Variants in WWOX observed in about 807,000 individuals in gnomAD.
The protein encoded by WWOX is WW domain-containing oxidoreductase.
A neutral mutation model predicts 46.2 loss-of-function variants in WWOX; 69 were observed. The observed-to-expected ratio is 1.49, with a 90% CI of 1.23 to 1.82. The LOEUF is 1.82. Among genes scored for constraint, WWOX ranks in the 40% most tolerant of loss-of-function variants. The pLI, the probability that WWOX is intolerant of heterozygous loss-of-function variation, is 0.00. For missense variants in WWOX, 919 were observed against 542.6 expected (o/e 1.69, Z -6.89); for synonymous variants, 359 against 202.6 (o/e 1.77, Z -6.56).
chr16:78,649,772 C>A (rs923239263), intron 8 of WWOX, among the ~76,000 whole-genome samples: 6 of 152,302 alleles, frequency 3.9e-5, no homozygotes, highest in East Asian at 1.9e-4. Context: ...TCTCATTTAA[C>A]CCTTAGGAAA....
intron 8 of WWOX, among the ~76,000 whole-genome samples, chr16:78,708,530 C>T (rs957173045): frequency 6.6e-6 from 1 of 152,148 alleles, no homozygotes; most frequent in South Asian, 2.1e-4. Context: ...GCTTTGCATA[C>T]TCTGTTGCTT....
chr16:79,100,842 A>G (rs1046405998), intron 8 of WWOX, among the ~76,000 whole-genome samples: 3 of 152,034 alleles, frequency 2.0e-5, no homozygotes, highest in Non-Finnish European at 2.9e-5. Context: ...AGATCCTTTT[A>G]GAGCAGAGGG....
At chr16:78,607,419 T>C (rs1036032424) in intron 8 of WWOX, among the ~76,000 whole-genome samples, 1 of 152,202 alleles carries the variant, frequency 6.6e-6, no homozygotes, top group African/African-American at 2.4e-5. Context: ...TATCTTTGCA[T>C]ATATTTGTCC....
rs61113878 is a variant in WWOX, at chr16:78,356,071, TAAAAAAA to T, written c.517-30773_517-30767del. On this transcript the variant is annotated intron_variant, in intron 5 of 8. Transcript: ENST00000566780. ...TATGACCACCAAGATTTTTTTTTCCTAAAAAAAAAAAAAAAAAAAAAAGAAGAATCGA... is the reference window on the plus strand; with the variant it reads ...TATGACCACCAAGATTTTTTTTTCCTAAAAAAAAAAAAAAAGAAGAATCGA... Among the ~76,000 whole-genome samples, 598 of 76,156 alleles carry T rather than the reference TAAAAAAA, an allele frequency of 7.9e-3. 10 individuals carry two copies. Among genetic ancestry groups the T allele is most frequent in the African/African-American group, 0.026 (567 of 21,610 alleles). 50.0% of individuals were successfully genotyped at this position (76,156 alleles called of 152,430 possible).
intron 5 of WWOX, among the ~76,000 whole-genome samples, chr16:78,384,921 G>A (rs973499892): frequency 6.6e-6 from 1 of 152,012 alleles, no homozygotes; most frequent in Non-Finnish European, 1.5e-5. Context: ...GGATCACAAG[G>A]TCAAGAGATT....
intron 8 of WWOX, among the ~76,000 whole-genome samples, chr16:78,498,445 A>G (rs543702826): frequency 6.6e-6 from 1 of 152,186 alleles, no homozygotes; most frequent in Non-Finnish European, 1.5e-5. Context: ...TCTAAACCAC[A>G]CATGGCCTGC....
chr16:79,187,081 T>C (rs2051030594), intron 8 of WWOX, among the ~76,000 whole-genome samples: 1 of 152,170 alleles, frequency 6.6e-6, no homozygotes, highest in Admixed American at 6.5e-5. Context: ...GGTATTGTGT[T>C]TGTTAGGGGG....
chr16:78,951,870 C>T (rs888177633), intron 8 of WWOX, among the ~76,000 whole-genome samples: 7 of 152,172 alleles, frequency 4.6e-5, no homozygotes, highest in Non-Finnish European at 4.4e-5. Flanking sequence ...GATAGCAACA[C>T]TCTTCAATGG....
At chr16:78,485,654 G>T (rs1017510670) in intron 8 of WWOX, among the ~76,000 whole-genome samples, 1 of 152,200 alleles carries the variant, frequency 6.6e-6, no homozygotes, top group African/African-American at 2.4e-5. Flanking sequence ...GCCGCGTGAA[G>T]GACATCTGCT....
intron 8 of WWOX, among the ~76,000 whole-genome samples, chr16:78,920,035 T>C (rs886577129): frequency 6.6e-6 from 1 of 152,190 alleles, no homozygotes; most frequent in Non-Finnish European, 1.5e-5. Flanking sequence ...TCAGTCAGCG[T>C]AGACTAGGTT....
intron 8 of WWOX, among the ~76,000 whole-genome samples, chr16:79,156,271 C>G (rs1014780014): frequency 6.6e-6 from 1 of 152,186 alleles, no homozygotes; most frequent in Non-Finnish European, 1.5e-5. Flanking sequence ...AAGCAATCCT[C>G]CCACGTCAAC....
At chr16:78,850,072 T>TA (rs61690680) in intron 8 of WWOX, among the ~76,000 whole-genome samples, 2,794 of 144,870 alleles carry the variant, frequency 0.019, 75 homozygotes, top group African/African-American at 0.06. Context: ...AATTCCTTCT[T>TA]AAAAAAAAAA....
chr16:78,923,616 G>A lies in WWOX; in HGVS notation c.1057-287992G>A, dbSNP rs530813613. On this transcript the variant is annotated intron_variant, in intron 8 of 8. Coordinates refer to ENST00000566780, the MANE Select transcript of WWOX (RefSeq NM_016373.4). ...CTACAAATCTCTTGGCGGGTGGGGG[G>A]ATATTTCACTCTTCTATGAATCAAA... 3.1e-4 allele frequency among the ~76,000 whole-genome samples: 47 copies of A among 151,964 alleles called. No homozygotes were observed. The South Asian group carries it at 8.1e-3, about 26-fold the overall frequency.
At chr16:78,577,888 A>G (rs1006186367) in intron 8 of WWOX, among the ~76,000 whole-genome samples, 3 of 152,138 alleles carry the variant, frequency 2.0e-5, no homozygotes, top group African/African-American at 4.8e-5. Flanking sequence ...TCCGTTTGAC[A>G]GAATATATTC....
intron 8 of WWOX, among the ~76,000 whole-genome samples, chr16:78,463,929 G>C (rs781466824): frequency 5.9e-5 from 9 of 152,172 alleles, no homozygotes; most frequent in Non-Finnish European, 8.8e-5. Flanking sequence ...AATTTGTACT[G>C]CTGGTGGAGC....
chr16:78,482,810 T>A (rs766850200), intron 8 of WWOX, among the ~76,000 whole-genome samples: 6 of 152,202 alleles, frequency 3.9e-5, no homozygotes, highest in Non-Finnish European at 8.8e-5. Context: ...GTTTCATTTT[T>A]CTTGGGAAGG....
chr16:78,824,726 C>T (rs185874928), intron 8 of WWOX, among the ~76,000 whole-genome samples: 25 of 152,184 alleles, frequency 1.6e-4, no homozygotes, highest in African/African-American at 5.8e-4. Context: ...ACGAGGATAG[C>T]GCAGGAAAGA....
chr16:78,974,899 G>C (rs940061293), intron 8 of WWOX, among the ~76,000 whole-genome samples: 6 of 152,146 alleles, frequency 3.9e-5, no homozygotes, highest in Non-Finnish European at 8.8e-5. Context: ...ATGCTCAGCT[G>C]CAAGTCAGGG....
At chr16:78,782,568 G>C (rs9931648) in intron 8 of WWOX, among the ~76,000 whole-genome samples, 48,255 of 151,606 alleles carry the variant, frequency 0.32, 8,102 homozygotes, top group South Asian at 0.38. Context: ...ATTCCCTTCC[G>C]TCCACCAGCC....
Sources: allele counts gnomAD v4.1 joint callset (sites outside exome capture counted in the v4.1 genomes callset), GRCh38; gene constraint gnomAD v4.1.1; transcripts MANE v1.5; gene names NCBI Gene and HGNC (gene_info 2026-07-23, HGNC 2026-07-21).